Variants in SAMSN1 observed in about 807,000 individuals in gnomAD.
The protein encoded by SAMSN1 is SAM domain-containing protein SAMSN-1.
A neutral mutation model predicts 42.0 loss-of-function variants in SAMSN1; 31 were observed. The observed-to-expected ratio is 0.74, with a 90% CI of 0.55 to 1.00. The LOEUF (loss-of-function observed/expected upper bound fraction) is 1.00, where lower values mean the gene tolerates loss of function less well. Among genes scored for constraint, SAMSN1 ranks in the 50% least tolerant of loss-of-function variants. The pLI is 0.00. For missense variants in SAMSN1, 464 were observed against 439.4 expected, an observed-to-expected ratio of 1.06 and a Z score of -0.50; for synonymous variants, 178 against 151.9, an observed-to-expected ratio of 1.17 and a Z score of -1.26.
In SAMSN1 at chr21:14,506,616, G is replaced by A. The variant is rs368935536; in HGVS notation, c.561+3694C>T. Among the ~76,000 whole-genome samples the A allele has an allele frequency of 5.9e-5, 9 of 152,110 alleles. No individual in the cohort carries two copies. In the East Asian group the frequency reaches 7.7e-4, roughly 13 times the overall value. On this transcript the variant is annotated intron_variant, in intron 5 of 7. Coordinates refer to ENST00000400566, the MANE Select transcript of SAMSN1 (RefSeq NM_022136.5). ...CACAGCAGCATTCTACCAGACATTCGAAGAAGAATTGGTACCAATCCTATT... is the reference window on the plus strand; with the variant it reads ...CACAGCAGCATTCTACCAGACATTCAAAGAAGAATTGGTACCAATCCTATT...
chr21:14,587,390 ATG>A (rs2123261744), upstream of SAMSN1, among the ~76,000 whole-genome samples: 1 of 152,264 alleles, frequency 6.6e-6, no homozygotes, highest in African/African-American at 2.4e-5. Flanking sequence ...ATATTCAGCA[ATG>A]TTGACCACAG....
At chr21:14,630,564 C>T (rs1007146079) in intron 2 of SAMSN1, among the ~76,000 whole-genome samples, 1 of 151,996 alleles carries the variant, frequency 6.6e-6, no homozygotes, top group Admixed American at 6.5e-5. Flanking sequence ...ATTAAAACTA[C>T]CAAAAGGTGT....
At chr21:14,503,230 T>A (rs558950927) in intron 5 of SAMSN1, among the ~76,000 whole-genome samples, 22 of 152,088 alleles carry the variant, frequency 1.4e-4, no homozygotes, top group African/African-American at 5.3e-4. Flanking sequence ...TCAGGTAGGA[T>A]CCCTTAAAAA....
chr21:14,656,441 T>C (rs1051742454), intron 1 of SAMSN1, among the ~76,000 whole-genome samples: 3 of 151,696 alleles, frequency 2.0e-5, no homozygotes, highest in Non-Finnish European at 4.4e-5. Flanking sequence ...TGTGCAGGAG[T>C]AATTGATTTG....
At chr21:14,648,925 T>C (rs1299023587) in intron 1 of SAMSN1, among the ~76,000 whole-genome samples, 1 of 151,488 alleles carries the variant, frequency 6.6e-6, no homozygotes, top group Non-Finnish European at 1.5e-5. Context: ...ACTGGGTATA[T>C]ACCCAAAGGA....
intron 6 of SAMSN1, among the ~76,000 whole-genome samples, chr21:14,499,117 G>A (rs1987028959): frequency 6.6e-6 from 1 of 152,152 alleles, no homozygotes; most frequent in African/African-American, 2.4e-5. Flanking sequence ...CATTTTGATT[G>A]AAAGGCATTA....
At chr21:14,486,882 A>G (rs752444870) in intron 7 of SAMSN1, among the ~76,000 whole-genome samples, 3 of 152,188 alleles carry the variant, frequency 2.0e-5, no homozygotes, top group African/African-American at 4.8e-5. Context: ...TTAGAAAAAG[A>G]TTACTATTAG....
chr21:14,530,622 A>G (rs1979208355), intron 1 of SAMSN1, among the ~76,000 whole-genome samples: 1 of 152,222 alleles, frequency 6.6e-6, no homozygotes, highest in African/African-American at 2.4e-5. Flanking sequence ...AAAACTGACA[A>G]AAAGTTTTCA....
chr21:14,552,796 C>A (rs556377486), intron 2 of SAMSN1, among the ~76,000 whole-genome samples: 3 of 152,174 alleles, frequency 2.0e-5, no homozygotes, highest in Admixed American at 2.0e-4. Flanking sequence ...TTCTAAAGAG[C>A]GTTTATTATT....
chr21:14,485,875 G>A lies in SAMSN1; in HGVS notation c.*37C>T. Reference sequence around the variant, plus strand: ...GTTTTAGCTCAAGAAGAGTTAAAATGGAATGCATCTGTAGATATATAGTTG... The same window carrying A: ...GTTTTAGCTCAAGAAGAGTTAAAATAGAATGCATCTGTAGATATATAGTTG... On this transcript the variant is annotated 3_prime_UTR_variant, in exon 8 of 8. Coordinates refer to ENST00000400566, the MANE Select transcript of SAMSN1 (RefSeq NM_022136.5). The A allele has an allele frequency of 6.7e-7, 1 of 1,501,812 alleles. No homozygotes were observed. Among genetic ancestry groups the A allele is most frequent in the Non-Finnish European group, 9.3e-7 (1 of 1,079,700 alleles). The allele number at this position is 1,501,812 out of a possible 1,614,324, so 93.0% of individuals were successfully genotyped here. A position where few individuals can be genotyped will look rare whatever the true frequency, so the allele number is the denominator to read the frequency against.
At chr21:14,550,237 T>C (rs1980554429), upstream of SAMSN1, among the ~76,000 whole-genome samples, 1 of 152,098 alleles carries the variant, frequency 6.6e-6, no homozygotes, top group African/African-American at 2.4e-5. Flanking sequence ...CTATATTTCC[T>C]AACTCTCTAA....
At chr21:14,630,988 A>G (rs1032809550) in intron 2 of SAMSN1, among the ~76,000 whole-genome samples, 4 of 152,228 alleles carry the variant, frequency 2.6e-5, no homozygotes, top group African/African-American at 9.6e-5. Context: ...TTACTCACCT[A>G]TTCTAAGATG....
At chr21:14,490,263 G>A (rs407109) in intron 7 of SAMSN1, among the ~76,000 whole-genome samples, 141,694 of 152,236 alleles carry the variant, frequency 0.93, 66,079 homozygotes, top group East Asian at 1. Context: ...GAATTAAAGG[G>A]CATTGGAACT....
In SAMSN1 at chr21:14,512,497, G is replaced by C. The variant is rs1987731684; in HGVS notation, c.356C>G (p.Ser119Cys). 6.2e-7 allele frequency: 1 copy of C among 1,613,892 alleles called. No homozygotes were observed. Among genetic ancestry groups the C allele is most frequent in the Non-Finnish European group, 8.5e-7 (1 of 1,179,850 alleles). The change falls in exon 4 of 8, where the codon TCC (serine) becomes TGC (cysteine). Residue 119 changes from serine to cysteine, a missense_variant. Physicochemically the swap from Ser to Cys is moderately radical, Grantham distance 112 (BLOSUM62 -1). Transcript: ENST00000400566. Reference protein sequence around the residue: ...PVIGTHTEKVSLKASDSMDSL... With the variant: ...PVIGTHTEKVCLKASDSMDSL... ...ATCCATGGAGTCACTGGCTTTGAGG[G>C]ACACCTTCTCTGTGTGGGTCCCAAT... is the stretch of plus-strand genomic sequence containing the variant.
intron 2 of SAMSN1, among the ~76,000 whole-genome samples, chr21:14,569,803 A>C (rs1449157966): frequency 6.6e-6 from 1 of 152,176 alleles, no homozygotes; most frequent in Non-Finnish European, 1.5e-5. Context: ...GAACGATTTA[A>C]TCTGCTCCAT....
At chr21:14,613,594 A>G (rs1982764209) in intron 3 of SAMSN1, among the ~76,000 whole-genome samples, 1 of 152,204 alleles carries the variant, frequency 6.6e-6, no homozygotes. Flanking sequence ...ATGCATAGAT[A>G]AGGTTTCCTT....
At chr21:14,523,197 T>G (rs1246068479) in intron 1 of SAMSN1, 9 of 152,202 alleles carry the variant, frequency 5.9e-5, no homozygotes, top group African/African-American at 2.2e-4. Flanking sequence ...CTAGAAGCTC[T>G]TATGTCTCCC....
intron 2 of SAMSN1, among the ~76,000 whole-genome samples, chr21:14,636,600 T>C (rs946470710): frequency 6.6e-6 from 1 of 152,144 alleles, no homozygotes; most frequent in East Asian, 1.9e-4. Context: ...ACCAGCACTT[T>C]AGGAGGTCGA....
rs184630909 is a variant in SAMSN1 at position 14,609,751 on chromosome 21, G to A, written c.236-183C>T. 1.7e-4 allele frequency among the ~76,000 whole-genome samples: 26 copies of A among 152,330 alleles called. No individual in the cohort carries two copies. In the East Asian group the frequency reaches 4.0e-3, roughly 24 times the overall value. On this transcript the variant is annotated intron_variant, in intron 4 of 15. Coordinates refer to the SAMSN1 transcript ENST00000647101. ...ACCCCGAACGGAGGGACCGGCTGAA[G>A]CCATGGCAGAAGAACATAAATTGTG...
Sources: gnomAD v4.1 joint callset for allele counts (sites outside exome capture counted in the v4.1 genomes callset) on GRCh38, gnomAD v4.1.1 for gene constraint, MANE v1.5 for transcripts, NCBI Gene and HGNC (gene_info 2026-07-23, HGNC 2026-07-21) for gene names.